PGD: variants seen among roughly 807,000 people sequenced by gnomAD.
PGD encodes the protein phosphogluconate dehydrogenase, also known as 6-phosphogluconate dehydrogenase, decarboxylating.
PGD carries 21 observed loss-of-function variants against 60.4 expected under a neutral mutation model. The observed-to-expected ratio is 0.35, with a 90% CI of 0.25 to 0.50. PGD has a LOEUF of 0.50. Ranked by LOEUF, PGD falls within the 20% of genes least tolerant of loss-of-function variation. PGD has a pLI of 0.98. For missense variants in PGD, 477 were observed against 613.1 expected (o/e 0.78, Z 2.34); for synonymous variants, 230 against 235.9 (o/e 0.97, Z 0.23).
In PGD at chr1:10,419,755, C is replaced by G; in HGVS notation, c.*6C>G. ...CCTCGTCATACAATGCCTGATCATG[C>G]TGCTCCTGTCACCCTCCACGATTCC... On this transcript the variant is annotated 3_prime_UTR_variant, in exon 13 of 13. Coordinates refer to ENST00000270776, the MANE Select transcript of PGD (RefSeq NM_002631.4). 1 of 1,614,162 alleles carries G rather than the reference C, an allele frequency of 6.2e-7. No homozygotes were observed. Among genetic ancestry groups the G allele is most frequent in the Non-Finnish European group, 8.5e-7 (1 of 1,180,000 alleles).
rs1452564147 is a variant in PGD at position 10,417,131 on chromosome 1, C to T, written c.975+14C>T. ...GACATTCGGAAGGTGGGACACAGTCCCTGGCAGTGGTCTTTGTTGGTCCTG... is the reference window on the plus strand; with the variant it reads ...GACATTCGGAAGGTGGGACACAGTCTCTGGCAGTGGTCTTTGTTGGTCCTG... On this transcript the variant is annotated intron_variant, in intron 9 of 12. Coordinates refer to ENST00000270776, the MANE Select transcript of PGD (RefSeq NM_002631.4). 1.2e-6 allele frequency: 2 copies of T among 1,613,490 alleles called. No homozygotes were observed. Among genetic ancestry groups the T allele is most frequent in the South Asian group, 1.1e-5 (1 of 90,962 alleles).
chr1:10,417,652 T>C (rs1410384965), intron 10 of PGD, 143 bp downstream of exon 10: 2 of 742,428 alleles, frequency 2.7e-6, no homozygotes, highest in Admixed American at 3.2e-5. Context: ...TAGGCTTAGA[T>C]TATGTGGTTC....
intron 10 of PGD, 82 bp downstream of exon 10, chr1:10,417,591 G>A: frequency 1.4e-6 from 2 of 1,422,930 alleles, no homozygotes; most frequent in East Asian, 2.3e-5. Flanking sequence ...CTTAGCTTGA[G>A]CAGTTTCCAG....
At chr1:10,404,049 C>T in intron 4 of PGD, 112 bp from the exon 5 acceptor site, 1 of 749,996 alleles carries the variant, frequency 1.3e-6, no homozygotes, top group Non-Finnish European at 2.3e-6. Context: ...GCTCTCCATT[C>T]CTATCTTATA....
In PGD at chr1:10,399,848, G is replaced by A. The variant is rs569228522; in HGVS notation, c.84+144G>A. On this transcript the variant is annotated intron_variant, in intron 2 of 12. Transcript: ENST00000270776. The stretch of plus-strand genomic sequence containing the variant: ...GCTCGTGGCATTTTTGTATGGAAAG[G>A]AGAAGCACCCTGTAGGCGTGGGCGG... The A allele has an allele frequency of 5.0e-5, 36 of 720,768 alleles. No individual in the cohort carries two copies. The African/African-American group carries it at 6.1e-4, about 12-fold the overall frequency. The allele number at this position is 720,768 out of a possible 1,614,324, so 44.6% of individuals were successfully genotyped here.
intron 10 of PGD, among the ~76,000 whole-genome samples, chr1:10,418,347 TA>T (rs940293105): frequency 2.0e-5 from 3 of 152,182 alleles, no homozygotes; most frequent in African/African-American, 7.2e-5. Flanking sequence ...TATGTAAAAT[TA>T]AATGAGCGCT....
intron 12 of PGD, 35 bp downstream of exon 12, chr1:10,419,574 C>T (rs1181848490): frequency 6.2e-7 from 1 of 1,614,012 alleles, no homozygotes; most frequent in Non-Finnish European, 8.5e-7. Context: ...CCTGGCTGGC[C>T]CCTCGGGGGC....
Position 10,413,192 on chromosome 1 carries a change from G to A in PGD, c.785G>A (p.Gly262Asp). The A allele has an allele frequency of 1.9e-6, 3 of 1,614,206 alleles. No individual in the cohort carries two copies. Among genetic ancestry groups the A allele is most frequent in the Non-Finnish European group, 2.5e-6 (3 of 1,180,044 alleles). Residue 262 changes from glycine to aspartate, a missense_variant, in exon 8 of 13, where the codon GGC (glycine) becomes GAC (aspartate). Transcript: ENST00000270776. ...PKIRDSAGQK[G>D]TGKWTAISAL... is the part of the protein sequence containing the mutation. ...ATCAGGGACAGCGCGGGGCAGAAGGGCACAGGGAAGTGGACCGCCATCTCC... is the reference window on the plus strand; with the variant it reads ...ATCAGGGACAGCGCGGGGCAGAAGGACACAGGGAAGTGGACCGCCATCTCC...
chr1:10,415,677 C>G (rs192931928), intron 8 of PGD, among the ~76,000 whole-genome samples: 1 of 152,306 alleles, frequency 6.6e-6, no homozygotes, highest in African/African-American at 2.4e-5. Flanking sequence ...GGTTAGCAGT[C>G]TCAAGCCATA....
rs1211738801 is a variant in PGD at position 10,412,551 on chromosome 1, T to C, written c.655-511T>C. Among the ~76,000 whole-genome samples, 24 of 152,224 alleles carry C rather than the reference T, an allele frequency of 1.6e-4. 1 individual carries two copies. The highest frequency in any genetic ancestry group is 1.6e-3 in the Admixed American group (24 of 15,282). ...TATTCTTTTTGTGTTCATTTTTTAT[T>C]GGTATATATAATACTTAACGTGTTC... On this transcript the variant is annotated intron_variant, in intron 7 of 12. Transcript: ENST00000270776.
Position 10,419,553 on chromosome 1 carries a change from G to A in PGD, c.1332+14G>A, listed in dbSNP as rs770492403. Reference sequence around the variant, plus strand: ...AGCCTCATCCAGGTAAGCCTGTGGAGCAGGGATTAACCTGGCTGGCCCCTC... The same window carrying A: ...AGCCTCATCCAGGTAAGCCTGTGGAACAGGGATTAACCTGGCTGGCCCCTC... On this transcript the variant is annotated intron_variant, in intron 12 of 12. Transcript: ENST00000270776. 15 of 1,614,078 alleles carry A rather than the reference G, an allele frequency of 9.3e-6. No individual in the cohort carries two copies. The South Asian group carries it at 1.3e-4, about 14-fold the overall frequency.
intron 12 of PGD, 26 bp downstream of exon 12, chr1:10,419,565 C>T: frequency 1.9e-6 from 3 of 1,614,038 alleles, no homozygotes; most frequent in Non-Finnish European, 2.5e-6. Flanking sequence ...AGGGATTAAC[C>T]TGGCTGGCCC....
intron 8 of PGD, among the ~76,000 whole-genome samples, chr1:10,415,819 T>TAAA (rs1639585463): frequency 6.6e-6 from 1 of 152,236 alleles, no homozygotes; most frequent in South Asian, 2.1e-4. Context: ...GCAAGTCTTT[T>TAAA]ATAAGGAATA....
At chr1:10,419,253 G>A (rs918335440) in intron 11 of PGD, among the ~76,000 whole-genome samples, 164 bp from the exon 12 acceptor site, 2 of 150,666 alleles carry the variant, frequency 1.3e-5, no homozygotes, top group Non-Finnish European at 3.0e-5. Context: ...TCCTGACCTC[G>A]TGATCCGCCC....
At position 10,417,356 on chromosome 1, in the gene PGD, G is replaced by A; in HGVS notation, c.976-20G>A. On this transcript the variant is annotated intron_variant, in intron 9 of 12. Coordinates refer to ENST00000270776, the MANE Select transcript of PGD (RefSeq NM_002631.4). ...ACTCTCCTAATGGCAATCCTAGTAG[G>A]TCTCTGTGTCACTCTTTAGGCACTC... 3 of 1,596,456 alleles carry A rather than the reference G, an allele frequency of 1.9e-6. No individual in the cohort carries two copies. The highest frequency in any genetic ancestry group is 2.6e-6 in the Non-Finnish European group (3 of 1,170,552).
In PGD at chr1:10,404,009, AGATCCTTGG is replaced by A. The variant is rs1463230354; in HGVS notation, c.331-150_331-142del. 24 of 626,158 alleles carry A rather than the reference AGATCCTTGG, an allele frequency of 3.8e-5. 1 individual carries two copies. The highest frequency in any genetic ancestry group is 6.8e-5 in the Non-Finnish European group (24 of 355,322). The allele number at this position is 626,158 out of a possible 1,614,324, so 38.8% of individuals were successfully genotyped here. On this transcript the variant is annotated intron_variant, in intron 4 of 12. Transcript: ENST00000270776. ...CTTTCCTGAGTCATCAGTTATTCCT[AGATCCTTGG>A]GTCATTTCCTGTAAATGTAGGCTCT...
At chr1:10,402,528 A>T (rs569962997) in intron 3 of PGD, among the ~76,000 whole-genome samples, 502 of 144,604 alleles carry the variant, frequency 3.5e-3, no homozygotes, top group Non-Finnish European at 4.9e-3. Context: ...CTCAAAAAAA[A>T]TTTTTTTTTT....
chr1:10,415,051 A>T (rs1403234749), intron 8 of PGD, among the ~76,000 whole-genome samples: 4 of 151,314 alleles, frequency 2.6e-5, no homozygotes, highest in Admixed American at 6.6e-5. Flanking sequence ...AGATCGCACC[A>T]CTGCACTCCA....
rs533597287 is a variant in PGD at position 10,412,957 on chromosome 1, C to T, written c.655-105C>T. 17 of 933,028 alleles carry T rather than the reference C, an allele frequency of 1.8e-5. No individual in the cohort carries two copies. In the East Asian group the frequency reaches 3.6e-4, roughly 20 times the overall value. 57.8% of individuals were successfully genotyped at this position (933,028 alleles called of 1,614,324 possible). A position where few individuals can be genotyped will look rare whatever the true frequency, so the allele number is the denominator to read the frequency against. The stretch of plus-strand genomic sequence containing the variant: ...AGTCCCCAGGCAGACGCGAGCAGAG[C>T]CTGCTGGCAACCGTGAGCATTGGTC... On this transcript the variant is annotated intron_variant, in intron 7 of 12. Coordinates refer to ENST00000270776, the MANE Select transcript of PGD (RefSeq NM_002631.4).
Sources: allele counts gnomAD v4.1 joint callset (sites outside exome capture counted in the v4.1 genomes callset), GRCh38; gene constraint gnomAD v4.1.1; transcripts MANE v1.5; gene names NCBI Gene and HGNC (gene_info 2026-07-23, HGNC 2026-07-21).